TMEM50B: variants seen among roughly 807,000 people sequenced by gnomAD.
The protein encoded by TMEM50B is transmembrane protein 50B.
Under a neutral mutation model 23.4 loss-of-function variants are expected in TMEM50B, and 14 were observed. That is an observed-to-expected ratio of 0.60 (90% confidence interval 0.39 to 0.93). TMEM50B has a LOEUF of 0.93. Among genes scored for constraint, TMEM50B ranks in the 40% least tolerant of loss-of-function variants. TMEM50B has a pLI of 0.00. For synonymous variants in TMEM50B, 64 were observed against 62.3 expected (o/e 1.03, Z -0.13); for missense variants, 159 against 193.0 (o/e 0.82, Z 1.04).
intron 1 of TMEM50B, among the ~76,000 whole-genome samples, chr21:33,470,424 C>CAAAAAAAAAA (rs71194848): frequency 4.5e-5 from 3 of 65,966 alleles, no homozygotes; most frequent in African/African-American, 5.9e-5. Flanking sequence ...GACTGTGTCT[C>CAAAAAAAAAA]AAAAAAAAAA....
intron 1 of TMEM50B, among the ~76,000 whole-genome samples, chr21:33,471,818 G>A (rs971713749): frequency 2.6e-5 from 4 of 151,906 alleles, no homozygotes; most frequent in Non-Finnish European, 4.4e-5. Flanking sequence ...GGCGGATCAC[G>A]AGGTCAGGAG....
intron 7 of TMEM50B, among the ~76,000 whole-genome samples, chr21:33,440,777 G>A (rs1006976191): frequency 1.3e-5 from 2 of 152,042 alleles, no homozygotes; most frequent in African/African-American, 2.4e-5. Flanking sequence ...AGCTACTCAG[G>A]AGGCTGAGGC....
At chr21:33,478,510 C>T in intron 1 of TMEM50B, among the ~76,000 whole-genome samples, 1 of 152,120 alleles carries the variant, frequency 6.6e-6, no homozygotes, top group East Asian at 1.9e-4. Context: ...ACGATAAATT[C>T]TTTACCTTGG....
chr21:33,467,260 G>A, intron 2 of TMEM50B, 138 bp from the exon 3 acceptor site: 1 of 680,100 alleles, frequency 1.5e-6, no homozygotes, highest in Non-Finnish European at 2.4e-6. Context: ...AGCACTTTGG[G>A]AGGCCAAGGC....
intron 6 of TMEM50B, among the ~76,000 whole-genome samples, chr21:33,453,485 G>C (rs1038964995): frequency 6.6e-6 from 1 of 152,074 alleles, no homozygotes; most frequent in Non-Finnish European, 1.5e-5. Flanking sequence ...AGACAACTTC[G>C]AGCAGCCTAT....
intron 4 of TMEM50B, among the ~76,000 whole-genome samples, chr21:33,464,804 C>CAAAAAAAAAAAAAAAAAAAAAAAA (rs59855166): frequency 1.4e-3 from 138 of 100,872 alleles, no homozygotes; most frequent in Middle Eastern, 5.0e-3. Flanking sequence ...AACTCCGTCT[C>CAAAAAAAAAAAAAAAAAAAAAAAA]AAAAAAAAAA....
intron 7 of TMEM50B, among the ~76,000 whole-genome samples, chr21:33,442,636 T>C (rs764266074): frequency 6.6e-6 from 1 of 152,014 alleles, no homozygotes; most frequent in African/African-American, 2.4e-5. Context: ...TCAAATGATA[T>C]GTGGCCAGGC....
At chr21:33,473,224 G>A (rs2084333990) in intron 1 of TMEM50B, among the ~76,000 whole-genome samples, 1 of 151,990 alleles carries the variant, frequency 6.6e-6, no homozygotes. Flanking sequence ...GACTGAGGTG[G>A]GCAGACTGCT....
chr21:33,450,594 T>C lies in TMEM50B; in HGVS notation c.*224A>G. The C allele has an allele frequency of 2.5e-6, 1 of 405,384 alleles. No homozygotes were observed. Among genetic ancestry groups the C allele is most frequent in the Non-Finnish European group, 4.5e-6 (1 of 224,102 alleles). The allele number at this position is 405,384 out of a possible 1,614,324, so 25.1% of individuals were successfully genotyped here. The stretch of plus-strand genomic sequence containing the variant: ...AATCTCAGGAATAAAAAACTGATAC[T>C]CATTATCCAATTCATATAGTCTTGT... On this transcript the variant is annotated 3_prime_UTR_variant, in exon 7 of 7. Coordinates refer to ENST00000542230, the MANE Select transcript of TMEM50B (RefSeq NM_006134.7).
At chr21:33,473,530 GC>G (rs1310322762) in intron 1 of TMEM50B, among the ~76,000 whole-genome samples, 1 of 149,482 alleles carries the variant, frequency 6.7e-6, no homozygotes, top group African/African-American at 2.5e-5. Flanking sequence ...AATGAGGATA[GC>G]CAAGCATGGT....
At chr21:33,434,660 T>C (rs75841155) in intron 8 of TMEM50B, among the ~76,000 whole-genome samples, 1 of 152,340 alleles carries the variant, frequency 6.6e-6, no homozygotes, top group East Asian at 1.9e-4. Context: ...GGTCCAAGTC[T>C]GCAGAAACAT....
intron 2 of TMEM50B, 48 bp from the exon 3 acceptor site, chr21:33,467,170 C>A (rs1205067475): frequency 2.1e-6 from 3 of 1,461,630 alleles, no homozygotes; most frequent in Middle Eastern, 1.7e-4. Flanking sequence ...CTTGCTAGCA[C>A]AATACCTGCT....
At chr21:33,469,155 C>T (rs2123451357) in intron 1 of TMEM50B, among the ~76,000 whole-genome samples, 1 of 152,160 alleles carries the variant, frequency 6.6e-6, no homozygotes, top group East Asian at 1.9e-4. Flanking sequence ...GGTTTTAAAC[C>T]ATGTCTAGGA....
At chr21:33,453,292 G>A (rs962870280) in intron 6 of TMEM50B, among the ~76,000 whole-genome samples, 8 of 151,922 alleles carry the variant, frequency 5.3e-5, no homozygotes, top group Admixed American at 1.3e-4. Context: ...GTTTCACCAT[G>A]TTGGCCAGGC....
At chr21:33,469,910 T>G (rs1437668735) in intron 1 of TMEM50B, among the ~76,000 whole-genome samples, 2 of 152,262 alleles carry the variant, frequency 1.3e-5, no homozygotes, top group African/African-American at 4.8e-5. Flanking sequence ...CCATAAAATC[T>G]AATAAACATA....
At chr21:33,468,975 A>C in intron 1 of TMEM50B, 49 bp from the exon 2 acceptor site, 1 of 959,148 alleles carries the variant, frequency 1.0e-6, no homozygotes, top group Non-Finnish European at 1.6e-6. Flanking sequence ...ATGTTTTCTA[A>C]AAGTAAAATA....
At chr21:33,470,797 G>A (rs900138721) in intron 1 of TMEM50B, among the ~76,000 whole-genome samples, 12 of 151,932 alleles carry the variant, frequency 7.9e-5, no homozygotes, top group African/African-American at 2.7e-4. Flanking sequence ...GGCCGAAATA[G>A]GAGAATCATT....
intron 8 of TMEM50B, among the ~76,000 whole-genome samples, chr21:33,436,003 G>A (rs1034501632): frequency 6.6e-6 from 1 of 151,980 alleles, no homozygotes; most frequent in Non-Finnish European, 1.5e-5. Flanking sequence ...GGAAGTTGCA[G>A]TGAGCCGAGA....
chr21:33,450,759 T>TAAAAAACCTATCTACAAACAGAATA lies in TMEM50B; in HGVS notation c.*34_*58dup. On this transcript the variant is annotated 3_prime_UTR_variant, in exon 7 of 7. Coordinates refer to ENST00000542230, the MANE Select transcript of TMEM50B (RefSeq NM_006134.7). ...CCATTTGGCAATGTGTACTGAGAGATAAAAAACCTATCTACAAACAGAATA... is the reference window on the plus strand; with the variant it reads ...CCATTTGGCAATGTGTACTGAGAGATAAAAAACCTATCTACAAACAGAATAAAAAAACCTATCTACAAACAGAATA... 9.0e-6 allele frequency: 13 copies of TAAAAAACCTATCTACAAACAGAATA among 1,446,236 alleles called. No homozygotes were observed. Among genetic ancestry groups the TAAAAAACCTATCTACAAACAGAATA allele is most frequent in the Non-Finnish European group, 1.2e-5 (13 of 1,041,430 alleles). The allele number at this position is 1,446,236 out of a possible 1,614,324, so 89.6% of individuals were successfully genotyped here. A position where few individuals can be genotyped will look rare whatever the true frequency, so the allele number is the denominator to read the frequency against.
Sources: gnomAD v4.1 joint callset for allele counts (sites outside exome capture counted in the v4.1 genomes callset) on GRCh38, gnomAD v4.1.1 for gene constraint, MANE v1.5 for transcripts, NCBI Gene and HGNC (gene_info 2026-07-23, HGNC 2026-07-21) for gene names.